KLHL1: variants seen among roughly 807,000 people sequenced by gnomAD.
KLHL1 encodes kelch-like protein 1.
In KLHL1, 47 loss-of-function variants were observed where a neutral mutation model predicts 77.7. That is an observed-to-expected ratio of 0.60 (90% CI 0.48 to 0.77). The LOEUF (loss-of-function observed/expected upper bound fraction) is 0.77. Among genes scored for constraint, KLHL1 ranks in the 30% least tolerant of loss-of-function variants. The pLI is 0.00. For missense variants in KLHL1, 925 were observed against 910.8 expected (o/e 1.02, Z -0.20); for synonymous variants, 360 against 325.2 (o/e 1.11, Z -1.15).
intron 1 of KLHL1, among the ~76,000 whole-genome samples, chr13:69,994,992 C>G (rs138870770): frequency 6.6e-6 from 1 of 152,154 alleles, no homozygotes; most frequent in Admixed American, 6.6e-5. Context: ...GTATCTATAT[C>G]AACAATGTAC....
rs201215445 is a variant in KLHL1 at position 69,862,678 on chromosome 13, CAATT to C, written c.1227+19601_1227+19604del. Among the ~76,000 whole-genome samples, 1,149 of 133,082 alleles carry C rather than the reference CAATT, an allele frequency of 8.6e-3. 10 individuals carry two copies. Among genetic ancestry groups the C allele is most frequent in the African/African-American group, 0.032 (1,075 of 34,084 alleles). 87.3% of individuals were successfully genotyped at this position (133,082 alleles called of 152,430 possible). ...TTTAGAGAAAGAGCCTTTAAGGAGACAATTAATACTAAATGAGGTATTAATGCAA... is the reference window on the plus strand; with the variant it reads ...TTTAGAGAAAGAGCCTTTAAGGAGACAATACTAAATGAGGTATTAATGCAA... On this transcript the variant is annotated intron_variant, in intron 5 of 10. Coordinates refer to ENST00000377844, the MANE Select transcript of KLHL1 (RefSeq NM_020866.3).
intron 1 of KLHL1, among the ~76,000 whole-genome samples, chr13:70,035,230 A>G (rs1886209940): frequency 6.6e-6 from 1 of 152,154 alleles, no homozygotes; most frequent in Non-Finnish European, 1.5e-5. Context: ...TGGTACACAT[A>G]CACAGTGGAG....
chr13:69,757,337 T>G (rs965652770), intron 7 of KLHL1, among the ~76,000 whole-genome samples: 3 of 152,090 alleles, frequency 2.0e-5, no homozygotes, highest in African/African-American at 4.8e-5. Context: ...TTTAACATAA[T>G]AATCAAAATT....
intron 5 of KLHL1, among the ~76,000 whole-genome samples, chr13:69,862,581 A>G (rs900181803): frequency 6.6e-6 from 1 of 152,120 alleles, no homozygotes; most frequent in African/African-American, 2.4e-5. Context: ...AAAGTTTTAT[A>G]CCTGTTGCTA....
At chr13:69,867,425 C>CTGA (rs535571351) in intron 5 of KLHL1, among the ~76,000 whole-genome samples, 169 of 152,100 alleles carry the variant, frequency 1.1e-3, no homozygotes, top group African/African-American at 4.0e-3. Flanking sequence ...TTTGTCACAC[C>CTGA]TGAGAATAAG....
chr13:69,921,769 G>A (rs1882648286), intron 4 of KLHL1, among the ~76,000 whole-genome samples: 1 of 152,012 alleles, frequency 6.6e-6, no homozygotes. Flanking sequence ...AGTGTCTAAT[G>A]AGAATTCAGA....
At chr13:70,080,450 T>G (rs1247329601) in intron 1 of KLHL1, among the ~76,000 whole-genome samples, 1 of 152,204 alleles carries the variant, frequency 6.6e-6, no homozygotes, top group African/African-American at 2.4e-5. Flanking sequence ...ACCTAGAGGC[T>G]CTATTTCCTC....
chr13:69,812,312 C>T (rs961291091), intron 6 of KLHL1, among the ~76,000 whole-genome samples: 1 of 152,010 alleles, frequency 6.6e-6, no homozygotes, highest in African/African-American at 2.4e-5. Context: ...ACACCTTATA[C>T]AAAAATTAAT....
chr13:69,707,888 A>G, intron 9 of KLHL1, 92 bp from the exon 10 acceptor site: 1 of 1,045,658 alleles, frequency 9.6e-7, no homozygotes, highest in Admixed American at 2.8e-5. Flanking sequence ...TGTCATGAAA[A>G]AGGAAACTAC....
intron 8 of KLHL1, among the ~76,000 whole-genome samples, chr13:69,738,653 A>C (rs1211408662): frequency 6.6e-6 from 1 of 152,068 alleles, no homozygotes; most frequent in Non-Finnish European, 1.5e-5. Context: ...GAATATCATA[A>C]CTTGAAGACT....
chr13:69,814,686 C>T (rs1878045021), intron 6 of KLHL1, among the ~76,000 whole-genome samples: 1 of 152,080 alleles, frequency 6.6e-6, no homozygotes, highest in Admixed American at 6.6e-5. Flanking sequence ...CAATGAGATA[C>T]CTCCTCACAC....
At chr13:70,105,257 T>C (rs1387005375) in intron 1 of KLHL1, among the ~76,000 whole-genome samples, 1 of 151,982 alleles carries the variant, frequency 6.6e-6, no homozygotes, top group African/African-American at 2.4e-5. Flanking sequence ...AGAAACTTGT[T>C]AAGTCTGGTG....
At chr13:69,799,660 T>G (rs549644730) in intron 6 of KLHL1, among the ~76,000 whole-genome samples, 1 of 152,302 alleles carries the variant, frequency 6.6e-6, no homozygotes, top group South Asian at 2.1e-4. Context: ...TATCTTACAG[T>G]TCAGGAGGTC....
intron 1 of KLHL1, among the ~76,000 whole-genome samples, chr13:70,056,561 G>T (rs914528877): frequency 2.0e-5 from 3 of 152,102 alleles, no homozygotes; most frequent in Non-Finnish European, 2.9e-5. Flanking sequence ...ATCAAAGATA[G>T]ACCATATGAC....
chr13:69,769,426 A>G (rs1875457592), intron 7 of KLHL1, among the ~76,000 whole-genome samples: 1 of 152,176 alleles, frequency 6.6e-6, no homozygotes, highest in Admixed American at 6.5e-5. Context: ...CAGGAGACAG[A>G]CAAATTCCTA....
intron 4 of KLHL1, among the ~76,000 whole-genome samples, chr13:69,918,788 T>C (rs1027601966): frequency 3.3e-5 from 5 of 152,150 alleles, no homozygotes; most frequent in African/African-American, 4.8e-5. Flanking sequence ...CACAATGGCC[T>C]ACAACAATTA....
chr13:69,839,622 C>A (rs970672228), intron 5 of KLHL1, among the ~76,000 whole-genome samples: 4 of 151,660 alleles, frequency 2.6e-5, no homozygotes, highest in African/African-American at 9.7e-5. Context: ...CTTTTAAATT[C>A]AAAATAACTC....
intron 8 of KLHL1, among the ~76,000 whole-genome samples, chr13:69,733,149 T>C (rs1303331001): frequency 6.6e-6 from 1 of 152,066 alleles, no homozygotes; most frequent in Non-Finnish European, 1.5e-5. Context: ...TTCTGGCTCT[T>C]GACTGAATGT....
intron 6 of KLHL1, among the ~76,000 whole-genome samples, chr13:69,801,539 GTAA>G (rs552288502): frequency 2.4e-3 from 368 of 152,046 alleles, no homozygotes; most frequent in Non-Finnish European, 3.9e-3. Context: ...CTTTTGTACA[GTAA>G]TAATATTATT....
Sources: gnomAD v4.1 joint callset for allele counts (sites outside exome capture counted in the v4.1 genomes callset) on GRCh38, gnomAD v4.1.1 for gene constraint, MANE v1.5 for transcripts, NCBI Gene and HGNC (gene_info 2026-07-23, HGNC 2026-07-21) for gene names.